Variants in DMD observed in about 807,000 individuals in gnomAD.
DMD encodes the protein mutant dystrophin.
DMD carries 63 observed loss-of-function variants against 330.1 expected under a neutral mutation model. The observed-to-expected ratio is 0.19, with a 90% CI of 0.16 to 0.24. The LOEUF is 0.24. DMD is among the 10% of genes least tolerant of loss of function. The pLI, the probability that DMD is intolerant of heterozygous loss-of-function variation, is 1.00. For synonymous variants in DMD, 1,223 were observed against 959.8 expected, an observed-to-expected ratio of 1.27 and a Z score of -5.07; for missense variants, 3,344 against 2,684.1, an observed-to-expected ratio of 1.25 and a Z score of -5.43.
intron 52 of DMD, among the ~76,000 whole-genome samples, chrX:31,687,645 A>C: frequency 8.9e-6 from 1 of 112,040 alleles, no homozygotes; most frequent in Non-Finnish European, 1.9e-5. Flanking sequence ...CCACAATAGA[A>C]TAGAACATGA....
intron 1 of DMD, among the ~76,000 whole-genome samples, chrX:33,306,743 T>C (rs1177986489): frequency 9.0e-6 from 1 of 110,654 alleles, no homozygotes; most frequent in Admixed American, 9.7e-5. Flanking sequence ...AAAGTCTCAA[T>C]TAGTACAAAG....
chrX:33,099,940 T>C (rs1021232621), intron 1 of DMD, among the ~76,000 whole-genome samples: 1 of 110,811 alleles, frequency 9.0e-6, no homozygotes, highest in Non-Finnish European at 1.9e-5. Context: ...TGGACAAGAG[T>C]GTTAATTGCA....
intron 12 of DMD, among the ~76,000 whole-genome samples, chrX:32,612,161 G>A (rs1266660219): frequency 2.7e-5 from 3 of 111,403 alleles, no homozygotes; most frequent in Non-Finnish European, 5.7e-5. Context: ...GTCTTACTGG[G>A]GAATCTCTGA....
intron 44 of DMD, among the ~76,000 whole-genome samples, chrX:32,144,702 T>C (rs2096770384): frequency 8.9e-6 from 1 of 111,940 alleles, no homozygotes; most frequent in African/African-American, 3.2e-5. Flanking sequence ...TGTTAAACTA[T>C]TATGCAATTA....
intron 1 of DMD, among the ~76,000 whole-genome samples, chrX:33,152,676 C>T (rs1381454622): frequency 9.0e-6 from 1 of 110,954 alleles, no homozygotes; most frequent in Non-Finnish European, 1.9e-5. Context: ...GCTAAGTTCA[C>T]GTATGGAAAA....
At chrX:32,800,101 C>A (rs1021249155) in intron 7 of DMD, among the ~76,000 whole-genome samples, 45 of 111,752 alleles carry the variant, frequency 4.0e-4, no homozygotes, top group African/African-American at 1.2e-3. Context: ...AGCTTCAATC[C>A]CCCAATAATA....
intron 52 of DMD, among the ~76,000 whole-genome samples, chrX:31,697,493 A>T (rs1023231844): frequency 9.0e-6 from 1 of 111,724 alleles, no homozygotes; most frequent in Non-Finnish European, 1.9e-5. Flanking sequence ...GAGACCCAGC[A>T]TGTGTCCTGA....
At chrX:32,600,504 GTT>G (rs66908307) in intron 12 of DMD, among the ~76,000 whole-genome samples, 2 of 94,284 alleles carry the variant, frequency 2.1e-5, no homozygotes, top group Middle Eastern at 5.3e-3. Context: ...TATATGTAAA[GTT>G]TTTTTTTTTT....
chrX:33,146,719 A>T (rs2148609615), intron 1 of DMD, among the ~76,000 whole-genome samples: 1 of 112,276 alleles, frequency 8.9e-6, no homozygotes, highest in Non-Finnish European at 1.9e-5. Context: ...GATGCAGATA[A>T]TTAACATCAT....
At chrX:31,343,542 G>A (rs1264645333) in intron 61 of DMD, among the ~76,000 whole-genome samples, 1 of 109,840 alleles carries the variant, frequency 9.1e-6, no homozygotes, top group Non-Finnish European at 1.9e-5. Flanking sequence ...ATAAACAACA[G>A]ACAGCTGGTA....
At chrX:32,803,524 G>GCT (rs2076737375) in intron 7 of DMD, among the ~76,000 whole-genome samples, 2 of 109,642 alleles carry the variant, frequency 1.8e-5, no homozygotes, top group African/African-American at 6.7e-5. Context: ...TGCTCTTGCT[G>GCT]CTCTAGTTCA....
intron 9 of DMD, among the ~76,000 whole-genome samples, chrX:32,668,528 T>G (rs768837846): frequency 8.9e-6 from 1 of 112,292 alleles, no homozygotes; most frequent in South Asian, 3.7e-4. Context: ...CACACATTGC[T>G]GTAGAAGGTG....
intron 9 of DMD, among the ~76,000 whole-genome samples, chrX:32,677,757 T>C (rs1000509338): frequency 8.9e-6 from 1 of 111,766 alleles, no homozygotes; most frequent in East Asian, 2.8e-4. Context: ...GAAGCCATTT[T>C]ATCAAAAAAA....
chrX:32,413,189 T>C (rs1344026543), intron 29 of DMD, among the ~76,000 whole-genome samples: 3 of 110,879 alleles, frequency 2.7e-5, no homozygotes, highest in Non-Finnish European at 5.7e-5. Context: ...AGATCTCCCC[T>C]TGATCTCCAT....
At chrX:31,743,936 C>T (rs1324439634) in intron 51 of DMD, among the ~76,000 whole-genome samples, 4 of 110,668 alleles carry the variant, frequency 3.6e-5, no homozygotes, top group Admixed American at 1.9e-4. Context: ...GGCTTACTGC[C>T]GCCTTGACCT....
intron 45 of DMD, among the ~76,000 whole-genome samples, chrX:31,949,559 T>C (rs1257741879): frequency 9.0e-6 from 1 of 111,437 alleles, no homozygotes; most frequent in Non-Finnish European, 1.9e-5. Context: ...TTTTTCTACA[T>C]ACAGGATTGT....
At chrX:32,920,621 C>T (rs1212658252) in intron 2 of DMD, among the ~76,000 whole-genome samples, 2 of 111,736 alleles carry the variant, frequency 1.8e-5, no homozygotes, top group African/African-American at 6.5e-5. Context: ...TTGATAAACA[C>T]ACCAGAAATT....
intron 41 of DMD, among the ~76,000 whole-genome samples, chrX:32,312,502 C>A (rs2097566345): frequency 9.0e-6 from 1 of 110,704 alleles, no homozygotes; most frequent in Non-Finnish European, 1.9e-5. Context: ...AAAAGACACT[C>A]AAAATATACT....
intron 42 of DMD, among the ~76,000 whole-genome samples, chrX:32,309,388 T>A (rs1236762206): frequency 1.8e-5 from 2 of 111,208 alleles, no homozygotes; most frequent in Non-Finnish European, 3.8e-5. Flanking sequence ...AAATGTACGA[T>A]CATGAAAATT....
Sources: gnomAD v4.1 joint callset for allele counts (sites outside exome capture counted in the v4.1 genomes callset) on GRCh38, gnomAD v4.1.1 for gene constraint, MANE v1.5 for transcripts, NCBI Gene and HGNC (gene_info 2026-07-23, HGNC 2026-07-21) for gene names.